ALDH4A1: variants seen among roughly 807,000 people sequenced by gnomAD.
ALDH4A1 encodes aldehyde dehydrogenase 4 family member A1.
In ALDH4A1, 46 loss-of-function variants were observed where a neutral mutation model predicts 70.5. The ratio of observed to expected loss-of-function variants is 0.65; its 90% CI spans 0.51 to 0.83. The LOEUF is 0.83. ALDH4A1 is among the 40% of genes least tolerant of loss of function. The pLI, the probability that ALDH4A1 is intolerant of heterozygous loss-of-function variation, is 0.00. For missense variants in ALDH4A1, 749 were observed against 766.5 expected (o/e 0.98, Z 0.27); for synonymous variants, 323 against 324.3 (o/e 1.00, Z 0.04).
chr1:18,885,431 A>ACCCCCCCCCCCCCCCCCCCCCCCCGGGCC, intron 5 of ALDH4A1, 42 bp downstream of exon 5: 7 of 478,974 alleles, frequency 1.5e-5, no homozygotes, highest in South Asian at 4.5e-5. Context: ...CCTGACTCCC[A>ACCCCCCCCCCCCCCCCCCCCCCCCGGGCC]CCCCACCCCG....
At chr1:18,879,521 G>T in intron 8 of ALDH4A1, 148 bp from the exon 9 acceptor site, 1 of 733,870 alleles carries the variant, frequency 1.4e-6, no homozygotes, top group Non-Finnish European at 2.5e-6. Flanking sequence ...TGCATTCCAA[G>T]ACTACGGGGA....
chr1:18,887,415 T>C (rs113399753), intron 3 of ALDH4A1, among the ~76,000 whole-genome samples: 6,060 of 152,280 alleles, frequency 0.04, 142 homozygotes, highest in East Asian at 0.071. Context: ...CTGGCTAACA[T>C]GGTGAAACCC....
chr1:18,891,471 A>G (rs1182182735), intron 1 of ALDH4A1, among the ~76,000 whole-genome samples: 1 of 152,146 alleles, frequency 6.6e-6, no homozygotes, highest in African/African-American at 2.4e-5. Flanking sequence ...GGAAGTGCAC[A>G]GGTGGGGTTC....
intron 1 of ALDH4A1, among the ~76,000 whole-genome samples, chr1:18,895,650 C>T (rs1268446581): frequency 6.6e-6 from 1 of 152,220 alleles, no homozygotes; most frequent in African/African-American, 2.4e-5. Flanking sequence ...GGCACCATTT[C>T]ACCTTCTGCA....
In ALDH4A1 at chr1:18,881,707, T is replaced by C; in HGVS notation, c.859A>G (p.Ser287Gly). 3.1e-6 allele frequency: 5 copies of C among 1,614,056 alleles called. 1 individual carries two copies. The South Asian group carries it at 3.3e-5, about 11-fold the overall frequency. ...CCATCCCCAGGGACTTACGGCACAC[T>C]GCCTGTGAAGTTGATGCCACAGAGG... ...EHLCGINFTG[S>G]VPTFKHLWKQ... The change falls in exon 8 of 15, where the codon AGT becomes GGT. Residue 287 changes from serine (S) to glycine (G), a missense_variant. Physicochemically the swap from Ser to Gly is moderately conservative, Grantham distance 56. Transcript: ENST00000375341.
rs1569716015 is a variant in ALDH4A1, at chr1:18,874,704, G to C, written c.1461-123C>G. The C allele has an allele frequency of 2.7e-5, 25 of 909,548 alleles. No individual in the cohort carries two copies. The East Asian group carries it at 6.4e-4, about 23-fold the overall frequency. The allele number at this position is 909,548 out of a possible 1,614,324, so 56.3% of individuals were successfully genotyped here. ...CAGGTTCAACAGGAGGCCGAGTCAG[G>C]GATGAGGGATGCTGCCAGCTGTTGG... On this transcript the variant is annotated intron_variant, in intron 13 of 14. Coordinates refer to ENST00000375341, the MANE Select transcript of ALDH4A1 (RefSeq NM_003748.4).
At chr1:18,897,319 G>A (rs983676511) in intron 1 of ALDH4A1, among the ~76,000 whole-genome samples, 1 of 152,166 alleles carries the variant, frequency 6.6e-6, no homozygotes, top group African/African-American at 2.4e-5. Flanking sequence ...GAAGAGGGCG[G>A]ATCACTTGAG....
chr1:18,902,102 C>A (rs1935818941), intron 1 of ALDH4A1, among the ~76,000 whole-genome samples: 1 of 152,004 alleles, frequency 6.6e-6, no homozygotes, highest in African/African-American at 2.4e-5. Context: ...AAGGGCCCCT[C>A]AGGGGAAGCC....
intron 5 of ALDH4A1, among the ~76,000 whole-genome samples, chr1:18,883,748 A>C (rs767038853): frequency 2.6e-5 from 4 of 152,178 alleles, no homozygotes; most frequent in Non-Finnish European, 5.9e-5. Flanking sequence ...ATGGCAAAGG[A>C]TCTATGGTCA....
intron 1 of ALDH4A1, among the ~76,000 whole-genome samples, chr1:18,897,592 G>A (rs780313498): frequency 1.3e-5 from 2 of 152,222 alleles, no homozygotes; most frequent in African/African-American, 2.4e-5. Flanking sequence ...AAGCATTTCA[G>A]ATGAGGGACA....
At position 18,883,117 on chromosome 1, in the gene ALDH4A1, A is replaced by T; in HGVS notation, c.678+7T>A. ...CTGCCGCTGTCCCACCTGTGCCCAC[A>T]TCTCACCATCAGGGCCGGTGCCCCC... On this transcript the variant is annotated splice_region_variant and intron_variant, in intron 7 of 14. Coordinates refer to ENST00000375341, the MANE Select transcript of ALDH4A1 (RefSeq NM_003748.4). The T allele has an allele frequency of 6.2e-7, 1 of 1,613,138 alleles. No homozygotes were observed. Among genetic ancestry groups the T allele is most frequent in the South Asian group, 1.1e-5 (1 of 91,090 alleles).
At position 18,877,226 on chromosome 1, in the gene ALDH4A1, AGAG is replaced by A; in HGVS notation, c.1164_1166del (p.Ser389del). The A allele has an allele frequency of 6.2e-7, 1 of 1,608,580 alleles. No homozygotes were observed. The highest frequency in any genetic ancestry group is 8.5e-7 in the Non-Finnish European group (1 of 1,177,358). ...CCCGTACCTTGGCATCAATCACTGC[AGAG>A]AAGAAGGTCCCAAAATCCTCTGCAG... On this transcript the variant is annotated inframe_deletion, in exon 11 of 15. Transcript: ENST00000375341.
At chr1:18,889,583 C>T (rs561360919) in intron 2 of ALDH4A1, 129 bp from the exon 3 acceptor site, 23 of 808,594 alleles carry the variant, frequency 2.8e-5, no homozygotes, top group African/African-American at 2.5e-4. Flanking sequence ...CAGGCCAGGT[C>T]GGTGGCCATC....
intron 1 of ALDH4A1, among the ~76,000 whole-genome samples, chr1:18,894,656 C>T (rs1484016750): frequency 1.3e-5 from 2 of 152,184 alleles, no homozygotes; most frequent in Admixed American, 6.5e-5. Context: ...GGGCAGAGGC[C>T]CAGATGCCCA....
At chr1:18,902,218 G>A (rs1935823616) in intron 1 of ALDH4A1, among the ~76,000 whole-genome samples, 1 of 152,210 alleles carries the variant, frequency 6.6e-6, no homozygotes, top group African/African-American at 2.4e-5. Flanking sequence ...CTCGGTCGCA[G>A]GATTCGGGAA....
chr1:18,887,868 C>A (rs1284323643), intron 3 of ALDH4A1, among the ~76,000 whole-genome samples: 1 of 152,228 alleles, frequency 6.6e-6, no homozygotes, highest in Non-Finnish European at 1.5e-5. Flanking sequence ...GCTGCCCTCT[C>A]TCTGTGTGTG....
rs1557608923 is a variant in ALDH4A1, at chr1:18,874,520, CGTT to C, written c.1519_1521del (p.Asn507del). The C allele has an allele frequency of 6.2e-7, 1 of 1,614,184 alleles. No individual in the cohort carries two copies. Among genetic ancestry groups the C allele is most frequent in the South Asian group, 1.1e-5 (1 of 91,082 alleles). On this transcript the variant is annotated inframe_deletion, in exon 14 of 15. Coordinates refer to ENST00000375341, the MANE Select transcript of ALDH4A1 (RefSeq NM_003748.4). ...CCCACTATCGAGCCAGTGGACTTGTCGTTGATGTAGAAGTTGCCGGCAGCATTC... is the reference window on the plus strand; with the variant it reads ...CCCACTATCGAGCCAGTGGACTTGTCGATGTAGAAGTTGCCGGCAGCATTC...
At chr1:18,894,538 A>G (rs137890403) in intron 1 of ALDH4A1, among the ~76,000 whole-genome samples, 1 of 152,320 alleles carries the variant, frequency 6.6e-6, no homozygotes, top group Non-Finnish European at 1.5e-5. Flanking sequence ...GCAAGACTCC[A>G]TCTCAAAATA....
intron 3 of ALDH4A1, among the ~76,000 whole-genome samples, chr1:18,887,237 G>A (rs1265127822): frequency 6.6e-6 from 1 of 152,258 alleles, no homozygotes; most frequent in African/African-American, 2.4e-5. Context: ...CATTTCACAG[G>A]AGCTCAGGCC....
Sources: gnomAD v4.1 joint callset for allele counts (sites outside exome capture counted in the v4.1 genomes callset) on GRCh38, gnomAD v4.1.1 for gene constraint, MANE v1.5 for transcripts, NCBI Gene and HGNC (gene_info 2026-07-23, HGNC 2026-07-21) for gene names.